PCDH15: variants seen among roughly 807,000 people sequenced by gnomAD.
PCDH15 encodes the protein protocadherin-15.
A neutral mutation model predicts 178.5 loss-of-function variants in PCDH15; 129 were observed. The observed-to-expected ratio is 0.72, with a 90% confidence interval of 0.63 to 0.84. The LOEUF is 0.84. Ranked by LOEUF, PCDH15 falls within the 40% of genes least tolerant of loss-of-function variation. The pLI is 0.00. For synonymous variants in PCDH15, 800 were observed against 732.0 expected, an observed-to-expected ratio of 1.09 and a Z score of -1.50; for missense variants, 2,230 against 2,099.9, an observed-to-expected ratio of 1.06 and a Z score of -1.21.
At chr10:54,210,393 G>T (rs552208116) in intron 10 of PCDH15, among the ~76,000 whole-genome samples, 2 of 152,140 alleles carry the variant, frequency 1.3e-5, no homozygotes, top group South Asian at 4.1e-4. Context: ...CTGTATATAG[G>T]TAGGTGTAGG....
intron 2 of PCDH15, among the ~76,000 whole-genome samples, chr10:54,911,755 A>G (rs553609502): frequency 6.6e-6 from 1 of 152,276 alleles, no homozygotes; most frequent in East Asian, 1.9e-4. Flanking sequence ...TGGTTGGTTG[A>G]TAAGTGTCTG....
intron 2 of PCDH15, among the ~76,000 whole-genome samples, chr10:55,015,133 A>T (rs1840140014): frequency 6.6e-6 from 1 of 152,220 alleles, no homozygotes; most frequent in South Asian, 2.1e-4. Flanking sequence ...AGGTGAGGGG[A>T]TCACTTGAGC....
At chr10:54,854,837 C>A (rs1414450192) in intron 3 of PCDH15, among the ~76,000 whole-genome samples, 1 of 152,126 alleles carries the variant, frequency 6.6e-6, no homozygotes, top group Non-Finnish European at 1.5e-5. Context: ...AGCCCAGCCC[C>A]CAGCCTTCAG....
intron 3 of PCDH15, among the ~76,000 whole-genome samples, chr10:54,871,688 T>A (rs1349679316): frequency 6.6e-6 from 1 of 152,046 alleles, no homozygotes; most frequent in East Asian, 1.9e-4. Flanking sequence ...TAATAAAAAA[T>A]CAACATTACA....
chr10:55,048,666 C>T (rs1841076218), intron 2 of PCDH15, among the ~76,000 whole-genome samples: 1 of 151,810 alleles, frequency 6.6e-6, no homozygotes. Context: ...GCCATTTTTA[C>T]AAAGAGTTTT....
At chr10:55,389,112 A>G (rs534679311) in intron 2 of PCDH15, among the ~76,000 whole-genome samples, 14 of 152,244 alleles carry the variant, frequency 9.2e-5, no homozygotes, top group East Asian at 1.9e-4. Flanking sequence ...TGAACTCCCA[A>G]TGATGAATCA....
chr10:54,432,456 A>C (rs1367207587), intron 3 of PCDH15, among the ~76,000 whole-genome samples: 2 of 152,094 alleles, frequency 1.3e-5, no homozygotes, highest in Non-Finnish European at 1.5e-5. Context: ...TTCAATGAAG[A>C]TGCCAAAAAC....
At chr10:55,354,659 C>G (rs1243207322) in intron 2 of PCDH15, among the ~76,000 whole-genome samples, 4 of 152,040 alleles carry the variant, frequency 2.6e-5, no homozygotes, top group Non-Finnish European at 5.9e-5. Flanking sequence ...CAGTGAAATT[C>G]AGACAATTCA....
chr10:55,034,654 C>T (rs971796699), intron 2 of PCDH15, among the ~76,000 whole-genome samples: 18 of 151,902 alleles, frequency 1.2e-4, no homozygotes, highest in African/African-American at 4.1e-4. Flanking sequence ...AATCTAGACT[C>T]TAAAAACTAA....
At chr10:54,807,317 G>A (rs1464873491) in intron 3 of PCDH15, among the ~76,000 whole-genome samples, 1 of 152,062 alleles carries the variant, frequency 6.6e-6, no homozygotes, top group Non-Finnish European at 1.5e-5. Context: ...AGAATAATAT[G>A]AGCCCCATCA....
At chr10:54,890,924 T>C (rs1212269330) in intron 3 of PCDH15, among the ~76,000 whole-genome samples, 1 of 152,020 alleles carries the variant, frequency 6.6e-6, no homozygotes, top group Non-Finnish European at 1.5e-5. Flanking sequence ...CATAAACTCA[T>C]GCTTAATTGT....
Position 55,483,953 on chromosome 10 carries a change from T to C in PCDH15, c.-156+143672A>G, listed in dbSNP as rs1396971797. ...ATAAAGATGTGGTACAAATACACCA[T>C]GGAATAATACGCATACATAAAAATG... is the stretch of plus-strand genomic sequence containing the variant. On this transcript the variant is annotated intron_variant, in intron 2 of 5. Transcript: ENST00000613346. Among the ~76,000 whole-genome samples the C allele has an allele frequency of 4.0e-5, 6 of 151,742 alleles. No homozygotes were observed. The East Asian group carries it at 1.2e-3, about 30-fold the overall frequency.
chr10:53,833,487 C>G (rs2077130645), intron 29 of PCDH15, among the ~76,000 whole-genome samples: 1 of 152,004 alleles, frequency 6.6e-6, no homozygotes. Flanking sequence ...AACATTATCC[C>G]TTACAAAACA....
chr10:54,874,826 T>C (rs183882030), intron 3 of PCDH15, among the ~76,000 whole-genome samples: 3 of 152,260 alleles, frequency 2.0e-5, no homozygotes, highest in African/African-American at 4.8e-5. Context: ...TCAAGTAATG[T>C]TTTACACTTT....
intron 21 of PCDH15, among the ~76,000 whole-genome samples, chr10:53,986,182 A>T (rs1056801499): frequency 6.6e-6 from 1 of 152,144 alleles, no homozygotes; most frequent in African/African-American, 2.4e-5. Flanking sequence ...AAACAACAAC[A>T]TACACACTCG....
intron 2 of PCDH15, among the ~76,000 whole-genome samples, chr10:55,076,175 C>A (rs1206589922): frequency 6.6e-6 from 1 of 152,060 alleles, no homozygotes; most frequent in East Asian, 1.9e-4. Flanking sequence ...AGAGACTGTT[C>A]CATGTGCTAG....
chr10:55,373,901 T>C (rs1486005945), intron 2 of PCDH15, among the ~76,000 whole-genome samples: 1 of 128,690 alleles, frequency 7.8e-6, no homozygotes, highest in Non-Finnish European at 1.6e-5. Flanking sequence ...TGAGAACACA[T>C]GGACACAGGG....
At chr10:55,407,281 A>G (rs1236737835) in intron 2 of PCDH15, among the ~76,000 whole-genome samples, 1 of 152,204 alleles carries the variant, frequency 6.6e-6, no homozygotes, top group Non-Finnish European at 1.5e-5. Context: ...CACATCAGAA[A>G]AATAATTGAT....
intron 2 of PCDH15, among the ~76,000 whole-genome samples, chr10:55,608,580 G>A (rs182400723): frequency 6.6e-6 from 1 of 151,880 alleles, no homozygotes; most frequent in Admixed American, 6.6e-5. Flanking sequence ...AAAACACCAT[G>A]GGTTCTGTCT....
Sources: gnomAD v4.1 joint callset for allele counts (sites outside exome capture counted in the v4.1 genomes callset) on GRCh38, gnomAD v4.1.1 for gene constraint, MANE v1.5 for transcripts, NCBI Gene and HGNC (gene_info 2026-07-23, HGNC 2026-07-21) for gene names.